Variants in IGSF5 observed in about 807,000 individuals in gnomAD.
IGSF5 encodes the protein immunoglobulin superfamily member 5, also known as immunoglobulin superfamily 5 like.
Under a neutral mutation model 39.4 loss-of-function variants are expected in IGSF5, and 41 were observed. That is an observed-to-expected ratio of 1.04 (90% CI 0.81 to 1.35). IGSF5 has a LOEUF of 1.35. IGSF5 is among the 40% of genes most tolerant of loss of function. The pLI, the probability that IGSF5 is intolerant of heterozygous loss-of-function variation, is 0.00. For synonymous variants in IGSF5, 183 were observed against 175.3 expected, an observed-to-expected ratio of 1.04 and a Z score of -0.34; for missense variants, 487 against 494.6, an observed-to-expected ratio of 0.98 and a Z score of 0.15.
intron 3 of IGSF5, among the ~76,000 whole-genome samples, chr21:39,768,625 T>C (rs749715427): frequency 1.5e-4 from 23 of 152,240 alleles, no homozygotes; most frequent in African/African-American, 2.7e-4. Flanking sequence ...GCTTCTGTTA[T>C]TAACTGAGAC....
chr21:39,724,971 C>T, the IGSF5 span, among the ~76,000 whole-genome samples: 1 of 152,212 alleles, frequency 6.6e-6, no homozygotes, highest in African/African-American at 2.4e-5. Context: ...AATCCTGATA[C>T]AATACAAAGT....
At chr21:39,795,150 G>A (rs561805348) in intron 8 of IGSF5, among the ~76,000 whole-genome samples, 16 of 152,164 alleles carry the variant, frequency 1.1e-4, no homozygotes, top group African/African-American at 3.9e-4. Flanking sequence ...CGGGTGTCAG[G>A]AAAATGGAGA....
the IGSF5 span, among the ~76,000 whole-genome samples, chr21:39,720,125 G>C: frequency 6.6e-6 from 1 of 152,144 alleles, no homozygotes; most frequent in African/African-American, 2.4e-5. Context: ...TGAGGTGAGG[G>C]AGACGGTTTC....
intron 8 of IGSF5, 47 bp downstream of exon 8, chr21:39,793,660 A>C: frequency 6.9e-7 from 1 of 1,457,990 alleles, no homozygotes; most frequent in Non-Finnish European, 9.6e-7. Flanking sequence ...TGGCTATTTA[A>C]AAATTCTTAC....
At chr21:39,765,458 T>C (rs2080081849) in intron 2 of IGSF5, 77 bp from the exon 3 acceptor site, 2 of 1,373,380 alleles carry the variant, frequency 1.5e-6, no homozygotes, top group Non-Finnish European at 2.0e-6. Flanking sequence ...CACTGGTAAA[T>C]ACAGAAAGGT....
At chr21:39,765,974 C>G (rs962022960) in intron 3 of IGSF5, 122 bp downstream of exon 3, 1 of 865,704 alleles carries the variant, frequency 1.2e-6, no homozygotes, top group Non-Finnish European at 1.8e-6. Context: ...TGTTGACCTA[C>G]AATTATTCTG....
Position 39,779,108 on chromosome 21 carries a change from A to G in IGSF5, c.737A>G (p.Asn246Ser). The G allele has an allele frequency of 6.2e-7, 1 of 1,612,686 alleles. No individual in the cohort carries two copies. Among genetic ancestry groups the G allele is most frequent in the Non-Finnish European group, 8.5e-7 (1 of 1,178,712 alleles). Residue 246 changes from asparagine (N) to serine (S), a missense_variant, in exon 5 of 9, where the codon AAT (asparagine) becomes AGT (serine). Asn to Ser is a conservative substitution (Grantham distance 46). Coordinates refer to ENST00000380588, the MANE Select transcript of IGSF5 (RefSeq NM_001080444.2). Reference protein sequence around the residue: ...RCPQDTGGGINIPGVLSSLPS... With the variant: ...RCPQDTGGGISIPGVLSSLPS... ...TCTTTAGACACTGGAGGTGGTATTA[A>G]TATTCCAGGTGTATTATCAAGTTTA...
intron 4 of IGSF5, among the ~76,000 whole-genome samples, chr21:39,774,420 G>C (rs1004704429): frequency 1.3e-5 from 2 of 152,240 alleles, no homozygotes; most frequent in African/African-American, 4.8e-5. Flanking sequence ...CGTTGAAACA[G>C]GAATGACGTC....
chr21:39,773,418 A>G (rs1328647229), intron 4 of IGSF5, among the ~76,000 whole-genome samples: 6 of 151,432 alleles, frequency 4.0e-5, no homozygotes, highest in Admixed American at 1.3e-4. Context: ...TATTCTTTCC[A>G]TATCTCTTAA....
At chr21:39,721,134 G>A in the IGSF5 span, among the ~76,000 whole-genome samples, 5 of 152,168 alleles carry the variant, frequency 3.3e-5, no homozygotes, top group Non-Finnish European at 7.4e-5. Flanking sequence ...TGAATTAAAA[G>A]ATGACACAGT....
chr21:39,716,120 A>G, the IGSF5 span, among the ~76,000 whole-genome samples: 266 of 152,282 alleles, frequency 1.7e-3, 1 homozygote, highest in Non-Finnish European at 3.0e-3. Flanking sequence ...GCCCGCAGTG[A>G]GTACCTGTCT....
intron 4 of IGSF5, among the ~76,000 whole-genome samples, chr21:39,778,306 T>G (rs907120981): frequency 1.6e-4 from 24 of 152,274 alleles, no homozygotes; most frequent in African/African-American, 5.8e-4. Context: ...TAACTTAAAT[T>G]TGAATTTGGA....
chr21:39,721,029 C>T, the IGSF5 span, among the ~76,000 whole-genome samples: 3 of 152,242 alleles, frequency 2.0e-5, no homozygotes, highest in South Asian at 4.2e-4. Context: ...ACCTGTAGAA[C>T]GAGACATTTT....
Position 39,779,252 on chromosome 21 carries a change from G to A in IGSF5, c.881G>A (p.Cys294Tyr). ...CGCTGCTGCTGCTGCCGCCGTCGTTGTTGTGGCTGCAACTGCTGCTGCCGT... is the reference window on the plus strand; with the variant it reads ...CGCTGCTGCTGCTGCCGCCGTCGTTATTGTGGCTGCAACTGCTGCTGCCGT... ...TIRCCCCRRRCCGCNCCCRCC... is the reference protein window; with the variant it reads ...TIRCCCCRRRYCGCNCCCRCC... Residue 294 changes from cysteine (C) to tyrosine (Y), a missense_variant, in exon 5 of 9, where the codon TGT becomes TAT. Physicochemically the swap from Cys to Tyr is radical, Grantham distance 194. Transcript: ENST00000380588. The A allele has an allele frequency of 6.2e-7, 1 of 1,613,614 alleles. No individual in the cohort carries two copies. Among genetic ancestry groups the A allele is most frequent in the Non-Finnish European group, 8.5e-7 (1 of 1,179,664 alleles).
the IGSF5 span, among the ~76,000 whole-genome samples, chr21:39,715,393 G>A: frequency 6.6e-6 from 1 of 152,170 alleles, no homozygotes; most frequent in Non-Finnish European, 1.5e-5. Flanking sequence ...TGATGGGATT[G>A]TGGGTATGAG....
the IGSF5 span, among the ~76,000 whole-genome samples, chr21:39,711,866 A>G: frequency 0.073 from 11,099 of 152,066 alleles, 785 homozygotes; most frequent in East Asian, 0.22. Flanking sequence ...GGGCCAATTA[A>G]TCCTTTCAGA....
At chr21:39,768,716 G>A (rs2080098913) in intron 3 of IGSF5, among the ~76,000 whole-genome samples, 1 of 152,166 alleles carries the variant, frequency 6.6e-6, no homozygotes, top group Non-Finnish European at 1.5e-5. Flanking sequence ...AGACTCAAGG[G>A]ACAAACCCTT....
Position 39,779,246 on chromosome 21 carries a change from G to A in IGSF5, c.875G>A (p.Arg292His), listed in dbSNP as rs199672249. 2.3e-4 allele frequency: 366 copies of A among 1,613,706 alleles called. 1 individual carries two copies. Among genetic ancestry groups the A allele is most frequent in the South Asian group, 5.9e-4 (54 of 91,074 alleles). Residue 292 changes from arginine (R) to histidine (H), a missense_variant, in exon 5 of 9, where the codon CGT becomes CAT. Physicochemically the swap from Arg to His is conservative, Grantham distance 29 (BLOSUM62 0). Coordinates refer to ENST00000380588, the MANE Select transcript of IGSF5 (RefSeq NM_001080444.2). ...ACAATACGCTGCTGCTGCTGCCGCC[G>A]TCGTTGTTGTGGCTGCAACTGCTGC... ...TLTIRCCCCRRRCCGCNCCCR... is the reference protein window; with the variant it reads ...TLTIRCCCCRHRCCGCNCCCR...
chr21:39,742,450 C>T (rs565049998), upstream of IGSF5, among the ~76,000 whole-genome samples: 2 of 152,280 alleles, frequency 1.3e-5, no homozygotes, highest in Admixed American at 6.5e-5. Flanking sequence ...TCTTGGCTCT[C>T]AATGGTCAAG....
Sources: gnomAD v4.1 joint callset for allele counts (sites outside exome capture counted in the v4.1 genomes callset) on GRCh38, gnomAD v4.1.1 for gene constraint, MANE v1.5 for transcripts, NCBI Gene and HGNC (gene_info 2026-07-23, HGNC 2026-07-21) for gene names.